RIMBP2: variants seen among roughly 807,000 people sequenced by gnomAD.
RIMBP2 encodes the protein RIMS binding protein 2.
In RIMBP2, 48 loss-of-function variants were observed where a neutral mutation model predicts 118.6. That is an observed-to-expected ratio of 0.40 (90% CI 0.32 to 0.51). The LOEUF (loss-of-function observed/expected upper bound fraction) is 0.51, where lower values mean the gene tolerates loss of function less well. Among genes scored for constraint, RIMBP2 ranks in the 20% least tolerant of loss-of-function variants. RIMBP2 has a pLI of 0.41. For synonymous variants in RIMBP2, 762 were observed against 742.9 expected (o/e 1.03, Z -0.42); for missense variants, 1,551 against 1,768.3 (o/e 0.88, Z 2.20).
intron 21 of RIMBP2, among the ~76,000 whole-genome samples, chr12:130,404,393 G>A (rs2074962366): frequency 6.6e-6 from 1 of 152,136 alleles, no homozygotes; most frequent in African/African-American, 2.4e-5. Context: ...CACCTCCTGG[G>A]TTCAAGTGAT....
intron 2 of RIMBP2, among the ~76,000 whole-genome samples, chr12:130,569,413 C>T (rs898189286): frequency 1.7e-4 from 26 of 152,206 alleles, no homozygotes; most frequent in Admixed American, 1.6e-3. Flanking sequence ...TCACCGCACT[C>T]CAGTGACCCT....
rs984266462 is a variant in RIMBP2 at position 130,419,149 on chromosome 12, T to C, written c.3238+3304A>G. ...CTCCCTGGAATGTGTCCATGGAAAC[T>C]TGGCTTCACTGCAGACTGGACTGGG... is the stretch of plus-strand genomic sequence containing the variant. On this transcript the variant is annotated intron_variant, in intron 17 of 22. Coordinates refer to ENST00000690449, the MANE Select transcript of RIMBP2 (RefSeq NM_001393629.1). This position sits in a 1 kb window ranked among gnomAD's most constrained non-coding sequence, Gnocchi z 4.3. Among the ~76,000 whole-genome samples the C allele has an allele frequency of 1.3e-5, 2 of 152,164 alleles. No homozygotes were observed. The highest frequency in any genetic ancestry group is 2.9e-5 in the Non-Finnish European group (2 of 68,018).
intron 15 of RIMBP2, chr12:130,427,156 T>C (rs2076846713): frequency 6.6e-6 from 1 of 152,184 alleles, no homozygotes; most frequent in Non-Finnish European, 1.5e-5. Context: ...AGGCACCGAG[T>C]TGGCAGGCCA....
At chr12:130,405,926 A>G (rs2075129750) in intron 21 of RIMBP2, among the ~76,000 whole-genome samples, 1 of 152,218 alleles carries the variant, frequency 6.6e-6, no homozygotes, top group African/African-American at 2.4e-5. Context: ...TGTTTTGTTT[A>G]CAGTGCATAT....
At position 130,422,369 on chromosome 12, in the gene RIMBP2, T is replaced by G. The variant is rs899271622; in HGVS notation, c.3238+84A>C. Reference sequence around the variant, plus strand: ...TTTGCTTAGCGGAAAATGCTACTCCTAAAGTTTTGTTCATGCTTAGATGGA... The same window carrying G: ...TTTGCTTAGCGGAAAATGCTACTCCGAAAGTTTTGTTCATGCTTAGATGGA... On this transcript the variant is annotated intron_variant, in intron 17 of 22. Transcript: ENST00000690449. This position sits in a 1 kb window ranked among gnomAD's most constrained non-coding sequence, Gnocchi z 5.2. The G allele has an allele frequency of 4.4e-6, 4 of 906,686 alleles. No individual in the cohort carries two copies. The highest frequency in any genetic ancestry group is 3.3e-5 in the African/African-American group (2 of 60,996). The allele number at this position is 906,686 out of a possible 1,614,324, so 56.2% of individuals were successfully genotyped here.
chr12:130,500,444 C>T (rs565018328), intron 4 of RIMBP2, among the ~76,000 whole-genome samples: 1 of 152,196 alleles, frequency 6.6e-6, no homozygotes, highest in African/African-American at 2.4e-5. Flanking sequence ...GGTGACTGAG[C>T]GAGACTCCTT....
intron 1 of RIMBP2, among the ~76,000 whole-genome samples, chr12:130,646,291 C>T (rs777681170): frequency 0.018 from 1,206 of 68,482 alleles, 359 homozygotes; most frequent in Admixed American, 0.044. Flanking sequence ...CCCTCACCAC[C>T]TGCCTCTCCA....
chr12:130,694,626 C>T (rs1021595764), intron 1 of RIMBP2, among the ~76,000 whole-genome samples: 4 of 152,204 alleles, frequency 2.6e-5, no homozygotes, highest in South Asian at 2.1e-4. Flanking sequence ...TAGAGAATTC[C>T]GCTCATCCTT....
intron 19 of RIMBP2, among the ~76,000 whole-genome samples, chr12:130,408,978 C>T (rs1593193285): frequency 6.7e-6 from 1 of 149,458 alleles, no homozygotes; most frequent in East Asian, 1.9e-4. Context: ...CGCCTCTGTG[C>T]ACATGTGTCC....
At chr12:130,643,368 G>A (rs1594129693) in intron 1 of RIMBP2, among the ~76,000 whole-genome samples, 1 of 152,298 alleles carries the variant, frequency 6.6e-6, no homozygotes, top group South Asian at 2.1e-4. Flanking sequence ...AGCAGGAGAG[G>A]ATGAAGGGCA....
chr12:130,609,820 T>C (rs1005972683), intron 2 of RIMBP2, among the ~76,000 whole-genome samples: 2 of 151,964 alleles, frequency 1.3e-5, no homozygotes, highest in Admixed American at 6.6e-5. Flanking sequence ...AGTCCAGAGG[T>C]CTGAGACCCA....
intron 2 of RIMBP2, among the ~76,000 whole-genome samples, chr12:130,560,714 C>A (rs2056753116): frequency 6.6e-6 from 1 of 152,228 alleles, no homozygotes; most frequent in Non-Finnish European, 1.5e-5. Context: ...ACTCTACTTT[C>A]AAAGTAACGT....
chr12:130,459,476 C>G (rs1197035371), intron 6 of RIMBP2, among the ~76,000 whole-genome samples: 2 of 151,936 alleles, frequency 1.3e-5, no homozygotes, highest in Non-Finnish European at 2.9e-5. Context: ...TCCCGTGACC[C>G]TAAAATTACT....
chr12:130,499,356 A>G (rs780890081), intron 4 of RIMBP2, among the ~76,000 whole-genome samples: 14 of 152,246 alleles, frequency 9.2e-5, no homozygotes, highest in Non-Finnish European at 1.6e-4. Context: ...GTCTCCCTGC[A>G]TCTCCTCTTG....
intron 21 of RIMBP2, among the ~76,000 whole-genome samples, chr12:130,402,342 G>A (rs1480253533): frequency 2.0e-5 from 3 of 151,994 alleles, no homozygotes; most frequent in Non-Finnish European, 4.4e-5. Flanking sequence ...GGTCAGAATC[G>A]AAGGCTCCCC....
At chr12:130,627,230 A>C (rs1320942064) in intron 2 of RIMBP2, among the ~76,000 whole-genome samples, 2 of 152,270 alleles carry the variant, frequency 1.3e-5, no homozygotes, top group Admixed American at 1.3e-4. Flanking sequence ...AAGCCCAAGC[A>C]GGGGCACCAA....
At chr12:130,614,788 G>C (rs1430103177) in intron 2 of RIMBP2, among the ~76,000 whole-genome samples, 1 of 151,590 alleles carries the variant, frequency 6.6e-6, no homozygotes, top group African/African-American at 2.4e-5. Context: ...TCTATGTGTT[G>C]ACATGAAAAA....
intron 2 of RIMBP2, among the ~76,000 whole-genome samples, chr12:130,610,578 T>TTG (rs869183073): frequency 8.0e-6 from 1 of 125,666 alleles, no homozygotes; most frequent in Non-Finnish European, 1.6e-5. Context: ...TTTTTTTTTT[T>TTG]GAGACGGAGT....
chr12:130,490,002 T>C (rs2138403764), intron 4 of RIMBP2, among the ~76,000 whole-genome samples: 1 of 151,792 alleles, frequency 6.6e-6, no homozygotes, highest in Middle Eastern at 3.4e-3. Flanking sequence ...CAGGCACCTG[T>C]AGTTCCAGCT....
Sources: allele counts gnomAD v4.1 joint callset (sites outside exome capture counted in the v4.1 genomes callset), GRCh38; gene constraint gnomAD v4.1.1; non-coding constraint Gnocchi (gnomAD v3.1); transcripts MANE v1.5; gene names NCBI Gene and HGNC (gene_info 2026-07-23, HGNC 2026-07-21).